The following CCSER1 variants were observed in gnomAD, a reference collection of about 807,000 sequenced individuals.
The protein encoded by CCSER1 is serine-rich coiled-coil domain-containing protein 1.
In CCSER1, 41 loss-of-function variants were observed where a neutral mutation model predicts 82.0. The observed-to-expected ratio is 0.50, with a 90% CI of 0.39 to 0.65. CCSER1 has a LOEUF of 0.65. Ranked by LOEUF, CCSER1 falls within the 30% of genes least tolerant of loss-of-function variation. CCSER1 has a pLI of 0.00. For synonymous variants in CCSER1, 414 were observed against 383.9 expected (o/e 1.08, Z -0.92); for missense variants, 1,119 against 1,064.2 (o/e 1.05, Z -0.72).
chr4:90,198,605 A>G (rs1379898070), intron 1 of CCSER1, among the ~76,000 whole-genome samples: 1 of 152,100 alleles, frequency 6.6e-6, no homozygotes, highest in Non-Finnish European at 1.5e-5. Context: ...TCAACTCTGG[A>G]AGGATTCAGC....
chr4:90,721,430 A>G (rs1054352026), intron 6 of CCSER1, among the ~76,000 whole-genome samples: 5 of 151,898 alleles, frequency 3.3e-5, no homozygotes, highest in Admixed American at 6.6e-5. Context: ...CTTTTAGAAA[A>G]TAGCTCTTCT....
chr4:91,393,214 A>G (rs543959570), intron 10 of CCSER1, among the ~76,000 whole-genome samples: 1 of 152,252 alleles, frequency 6.6e-6, no homozygotes, highest in African/African-American at 2.4e-5. Context: ...TAAATAACAC[A>G]TAATGGAGAC....
chr4:91,312,328 G>A (rs998617276), intron 10 of CCSER1, among the ~76,000 whole-genome samples: 1 of 151,726 alleles, frequency 6.6e-6, no homozygotes, highest in Non-Finnish European at 1.5e-5. Flanking sequence ...AAGAGGCAGA[G>A]ATTCCAATGT....
chr4:90,805,812 A>C (rs1293109912), intron 7 of CCSER1, among the ~76,000 whole-genome samples: 2 of 152,216 alleles, frequency 1.3e-5, no homozygotes, highest in Non-Finnish European at 2.9e-5. Context: ...CAAATTGGTT[A>C]CATTAGCCTA....
At chr4:90,275,827 A>G (rs1727433854) in intron 1 of CCSER1, among the ~76,000 whole-genome samples, 1 of 152,202 alleles carries the variant, frequency 6.6e-6, no homozygotes, top group Non-Finnish European at 1.5e-5. Context: ...TATTCACTAT[A>G]CAAGTGATGT....
At chr4:91,211,777 G>C (rs770363156) in intron 10 of CCSER1, among the ~76,000 whole-genome samples, 8 of 152,180 alleles carry the variant, frequency 5.3e-5, no homozygotes, top group Non-Finnish European at 1.2e-4. Context: ...AAAACAAAGT[G>C]ATTAGCACTG....
At chr4:90,223,904 C>A (rs1194222426) in intron 1 of CCSER1, among the ~76,000 whole-genome samples, 3 of 152,122 alleles carry the variant, frequency 2.0e-5, no homozygotes, top group Admixed American at 6.5e-5. Flanking sequence ...CACAATTAGA[C>A]CTTTATGACT....
In CCSER1 at chr4:90,932,982, G is replaced by GAAAGAAAGAGAAAGAAAGAAAGAA. The variant is rs771267852; in HGVS notation, c.2172+9536_2172+9537insAAGAAAGAGAAAGAAAGAAAGAAA. On this transcript the variant is annotated intron_variant, in intron 9 of 10. Transcript: ENST00000509176. ...AGAAAGAAAGAAAGAAAGAAAGAAA[G>GAAAGAAAGAGAAAGAAAGAAAGAA]AGAAAGAAAGAAAGAAAGAAAGAAA... Among the ~76,000 whole-genome samples the GAAAGAAAGAGAAAGAAAGAAAGAA allele has an allele frequency of 1.1e-4, 2 of 18,870 alleles. 1 individual carries two copies. Among genetic ancestry groups the GAAAGAAAGAGAAAGAAAGAAAGAA allele is most frequent in the East Asian group, 1.8e-3 (2 of 1,086 alleles). The allele number at this position is 18,870 out of a possible 152,430, so 12.4% of individuals were successfully genotyped here. A position where few individuals can be genotyped will look rare whatever the true frequency, so the allele number is the denominator to read the frequency against.
intron 8 of CCSER1, among the ~76,000 whole-genome samples, chr4:90,862,120 AGAACAATTAGAAGATACATTTCT>A (rs1394945089): frequency 1.3e-5 from 2 of 151,776 alleles, no homozygotes; most frequent in Non-Finnish European, 2.9e-5. Context: ...AAAACTTTGT[AGAACAATTAGAAGATACATTTCT>A]GAGTACAATT....
intron 4 of CCSER1, among the ~76,000 whole-genome samples, chr4:90,456,028 G>T (rs575021282): frequency 1.3e-5 from 2 of 152,292 alleles, no homozygotes; most frequent in Non-Finnish European, 2.9e-5. Flanking sequence ...TGGTGGGGCA[G>T]CCCATCTCTT....
At chr4:90,162,571 T>C (rs1200166334) in intron 1 of CCSER1, among the ~76,000 whole-genome samples, 1 of 152,084 alleles carries the variant, frequency 6.6e-6, no homozygotes, top group African/African-American at 2.4e-5. Context: ...AGCGTAGCAG[T>C]ATCCTAAACA....
At chr4:91,239,071 C>A (rs966531852) in intron 10 of CCSER1, among the ~76,000 whole-genome samples, 5 of 151,828 alleles carry the variant, frequency 3.3e-5, no homozygotes, top group East Asian at 3.9e-4. Context: ...TGATCCCCCC[C>A]ACCTCAGCCT....
intron 10 of CCSER1, among the ~76,000 whole-genome samples, chr4:91,387,492 T>C (rs1751371412): frequency 6.6e-6 from 1 of 152,036 alleles, no homozygotes; most frequent in South Asian, 2.1e-4. Context: ...TAAGAAGATA[T>C]ATCAAAATCT....
chr4:91,192,442 T>C (rs1333909398), intron 10 of CCSER1, among the ~76,000 whole-genome samples: 2 of 152,204 alleles, frequency 1.3e-5, no homozygotes, highest in African/African-American at 4.8e-5. Flanking sequence ...CCTTGAGACT[T>C]AGTATGTAAA....
intron 10 of CCSER1, among the ~76,000 whole-genome samples, chr4:91,357,645 A>C (rs1312388905): frequency 2.0e-5 from 3 of 151,786 alleles, no homozygotes; most frequent in Non-Finnish European, 4.4e-5. Flanking sequence ...CTTCGCACAT[A>C]AACTGTTTTT....
intron 8 of CCSER1, among the ~76,000 whole-genome samples, chr4:90,906,414 A>G (rs1388110341): frequency 1.3e-5 from 2 of 152,070 alleles, no homozygotes; most frequent in Non-Finnish European, 2.9e-5. Flanking sequence ...GCAAGTGTCT[A>G]GTGATCTTAT....
In CCSER1 at chr4:90,851,138, G is replaced by A. The variant is rs551981830; in HGVS notation, c.2094+35293G>A. On this transcript the variant is annotated intron_variant, in intron 8 of 10. Transcript: ENST00000509176. The stretch of plus-strand genomic sequence containing the variant: ...TGTTAAGTTTTCTGGGGCCTCCCTA[G>A]GCATGTGAAACTGTGAGTAAATTAA... 7.2e-5 allele frequency among the ~76,000 whole-genome samples: 11 copies of A among 152,256 alleles called. No homozygotes were observed. The South Asian group carries it at 2.3e-3, about 32-fold the overall frequency.
At chr4:91,404,658 T>C (rs1752571378) in intron 10 of CCSER1, among the ~76,000 whole-genome samples, 2 of 152,166 alleles carry the variant, frequency 1.3e-5, no homozygotes, top group Admixed American at 1.3e-4. Context: ...ATGTACCCAG[T>C]AGTCATTCAG....
intron 3 of CCSER1, among the ~76,000 whole-genome samples, chr4:90,325,922 T>C (rs974261393): frequency 2.0e-5 from 3 of 152,182 alleles, no homozygotes; most frequent in Non-Finnish European, 4.4e-5. Context: ...ATATTCATAC[T>C]CTTTTTAAGT....
Sources: allele counts gnomAD v4.1 joint callset (sites outside exome capture counted in the v4.1 genomes callset), GRCh38; gene constraint gnomAD v4.1.1; transcripts MANE v1.5; gene names NCBI Gene and HGNC (gene_info 2026-07-23, HGNC 2026-07-21).